The following ZNF385D variants were observed in gnomAD, a reference collection of about 807,000 sequenced individuals.
The protein encoded by ZNF385D is zinc finger protein 385D, also known as zinc finger protein 659.
A neutral mutation model predicts 35.8 loss-of-function variants in ZNF385D; 15 were observed. That is an observed-to-expected ratio of 0.42 (90% CI 0.28 to 0.64). The LOEUF is 0.64. ZNF385D is among the 30% of genes least tolerant of loss of function. The pLI, the probability that ZNF385D is intolerant of heterozygous loss-of-function variation, is 0.23. For synonymous variants in ZNF385D, 212 were observed against 186.8 expected (o/e 1.13, Z -1.10); for missense variants, 474 against 494.6 (o/e 0.96, Z 0.39).
intron 3 of ZNF385D, among the ~76,000 whole-genome samples, chr3:22,116,694 C>G (rs528400750): frequency 6.6e-6 from 1 of 151,894 alleles, no homozygotes; most frequent in Non-Finnish European, 1.5e-5. Flanking sequence ...CAGATAAAAC[C>G]AAAATTTGTC....
chr3:21,955,123 T>G (rs1224014789), intron 3 of ZNF385D, among the ~76,000 whole-genome samples: 1 of 152,144 alleles, frequency 6.6e-6, no homozygotes. Context: ...TGACAAGTTA[T>G]TTCATCAAAC....
chr3:22,002,131 A>G (rs1357690652), intron 3 of ZNF385D, among the ~76,000 whole-genome samples: 2 of 150,282 alleles, frequency 1.3e-5, no homozygotes, highest in East Asian at 3.9e-4. Context: ...AAAAAAAAAC[A>G]CACACAAAGA....
At chr3:21,955,462 T>C (rs1410109474) in intron 3 of ZNF385D, among the ~76,000 whole-genome samples, 2 of 152,106 alleles carry the variant, frequency 1.3e-5, no homozygotes, top group Admixed American at 6.6e-5. Flanking sequence ...AAATATCACC[T>C]AAACAGGGAG....
Position 21,869,801 on chromosome 3 carries a change from T to C in ZNF385D, c.326-204773A>G, listed in dbSNP as rs531560650. ...CAGAAAATTAAGCCTGGAGCCAATCTAAGATAGCATTTAAATAAGCTTCTT... is the reference window on the plus strand; with the variant it reads ...CAGAAAATTAAGCCTGGAGCCAATCCAAGATAGCATTTAAATAAGCTTCTT... On this transcript the variant is annotated intron_variant, in intron 3 of 5. Transcript: ENST00000494108. Among the ~76,000 whole-genome samples, 7 of 152,244 alleles carry C rather than the reference T, an allele frequency of 4.6e-5. No homozygotes were observed. In the South Asian group the frequency reaches 1.5e-3, roughly 32 times the overall value.
chr3:22,279,734 C>T (rs1575023617), intron 2 of ZNF385D, among the ~76,000 whole-genome samples: 1 of 151,642 alleles, frequency 6.6e-6, no homozygotes, highest in African/African-American at 2.4e-5. Context: ...ATGAATTCTG[C>T]TGCTATAAAT....
intron 3 of ZNF385D, among the ~76,000 whole-genome samples, chr3:22,075,889 C>T (rs1476067619): frequency 6.6e-6 from 1 of 151,804 alleles, no homozygotes; most frequent in Non-Finnish European, 1.5e-5. Context: ...TCGTAAATAC[C>T]ATCATAATCC....
chr3:22,281,689 G>A (rs969077083), intron 2 of ZNF385D, among the ~76,000 whole-genome samples: 5 of 151,712 alleles, frequency 3.3e-5, no homozygotes, highest in African/African-American at 9.7e-5. Flanking sequence ...CAGGAACACT[G>A]GTGTGTACTT....
At chr3:21,960,522 T>C (rs564604703) in intron 3 of ZNF385D, among the ~76,000 whole-genome samples, 5 of 152,014 alleles carry the variant, frequency 3.3e-5, no homozygotes, top group African/African-American at 7.2e-5. Context: ...GGGAAAACAG[T>C]GTGGAGATTT....
intron 2 of ZNF385D, among the ~76,000 whole-genome samples, chr3:21,627,096 A>G (rs1183314360): frequency 1.3e-5 from 2 of 151,312 alleles, no homozygotes; most frequent in African/African-American, 2.4e-5. Flanking sequence ...TAATTACAAG[A>G]TTGTTTTCCC....
At chr3:22,254,289 A>C (rs1700205547) in intron 2 of ZNF385D, among the ~76,000 whole-genome samples, 1 of 151,866 alleles carries the variant, frequency 6.6e-6, no homozygotes, top group South Asian at 2.1e-4. Flanking sequence ...AAAGCAAGAG[A>C]TAATTTGTTT....
chr3:22,255,581 T>C (rs1205670249), intron 2 of ZNF385D, among the ~76,000 whole-genome samples: 6 of 151,844 alleles, frequency 4.0e-5, no homozygotes, highest in Admixed American at 2.6e-4. Context: ...ATATTACCAA[T>C]GAGCTACCAA....
At chr3:21,833,355 A>T (rs1351732012) in intron 3 of ZNF385D, among the ~76,000 whole-genome samples, 2 of 152,186 alleles carry the variant, frequency 1.3e-5, no homozygotes, top group African/African-American at 4.8e-5. Context: ...GGATCTTAAG[A>T]GAAAAAGGTT....
chr3:21,809,053 T>A (rs2072784315), intron 3 of ZNF385D, among the ~76,000 whole-genome samples: 1 of 152,194 alleles, frequency 6.6e-6, no homozygotes, highest in Non-Finnish European at 1.5e-5. Context: ...ATATGGAATA[T>A]AATGATAAAT....
At chr3:21,609,477 TA>T (rs1417169673) in intron 2 of ZNF385D, among the ~76,000 whole-genome samples, 1 of 152,220 alleles carries the variant, frequency 6.6e-6, no homozygotes, top group Non-Finnish European at 1.5e-5. Context: ...AGTAAATATT[TA>T]AATTCCAGGC....
chr3:22,210,151 T>C (rs1417817290), intron 2 of ZNF385D, among the ~76,000 whole-genome samples: 2 of 151,854 alleles, frequency 1.3e-5, no homozygotes, highest in Non-Finnish European at 2.9e-5. Context: ...GAAAGAGTCA[T>C]TGTATGATAA....
intron 2 of ZNF385D, among the ~76,000 whole-genome samples, chr3:22,228,776 G>C (rs1320461964): frequency 6.6e-6 from 1 of 152,188 alleles, no homozygotes; most frequent in African/African-American, 2.4e-5. Flanking sequence ...AGCACAGCTA[G>C]AATAAAAGCA....
intron 3 of ZNF385D, among the ~76,000 whole-genome samples, chr3:21,547,476 C>A (rs1178670607): frequency 1.3e-5 from 2 of 151,674 alleles, no homozygotes; most frequent in African/African-American, 4.9e-5. Flanking sequence ...CTGACGATAG[C>A]CCCTTCTGCT....
At chr3:22,057,920 G>C (rs1022175173) in intron 3 of ZNF385D, among the ~76,000 whole-genome samples, 10 of 152,176 alleles carry the variant, frequency 6.6e-5, no homozygotes, top group African/African-American at 2.4e-4. Context: ...AATCATTACA[G>C]TTCATGGTTT....
intron 2 of ZNF385D, among the ~76,000 whole-genome samples, chr3:22,220,060 CTTTT>C (rs539089821): frequency 1.6e-3 from 226 of 144,716 alleles, no homozygotes; most frequent in African/African-American, 4.9e-3. Context: ...TTCTTTCTTC[CTTTT>C]TTTTTTTTCT....
Sources: allele counts gnomAD v4.1 joint callset (sites outside exome capture counted in the v4.1 genomes callset), GRCh38; gene constraint gnomAD v4.1.1; transcripts MANE v1.5; gene names NCBI Gene and HGNC (gene_info 2026-07-23, HGNC 2026-07-21).